Variants in NLGN1 observed in about 807,000 individuals in gnomAD.
The protein encoded by NLGN1 is neuroligin-1.
In NLGN1, 12 loss-of-function variants were observed where a neutral mutation model predicts 65.5. That is an observed-to-expected ratio of 0.18 (90% CI 0.12 to 0.30). The LOEUF is 0.30. Ranked by LOEUF, NLGN1 falls within the 10% of genes least tolerant of loss-of-function variation. The pLI is 1.00. For synonymous variants in NLGN1, 350 were observed against 359.5 expected, an observed-to-expected ratio of 0.97 and a Z score of 0.30; for missense variants, 750 against 1,007.1, an observed-to-expected ratio of 0.74 and a Z score of 3.46.
chr3:173,461,084 A>G (rs1170627359), intron 2 of NLGN1, among the ~76,000 whole-genome samples: 2 of 152,186 alleles, frequency 1.3e-5, no homozygotes, highest in East Asian at 1.9e-4. Flanking sequence ...AGGGCGGTCT[A>G]TTATAAGCAA....
rs147788641 is a variant in NLGN1 at position 173,451,626 on chromosome 3, G to A, written c.-321+16548G>A. 7.1e-4 allele frequency among the ~76,000 whole-genome samples: 108 copies of A among 152,236 alleles called. No individual in the cohort carries two copies. The Middle Eastern group carries it at 0.017, about 24-fold the overall frequency. ...ATTTAAGTCTGCAGAGGTTATTGCC[G>A]TCTTTTGTTTGTCTGTGCCCTGCCC... On this transcript the variant is annotated intron_variant, in intron 2 of 6. Transcript: ENST00000457714.
intron 4 of NLGN1, among the ~76,000 whole-genome samples, chr3:174,235,708 T>C (rs1027565159): frequency 3.9e-5 from 6 of 152,182 alleles, no homozygotes; most frequent in Non-Finnish European, 7.4e-5. Flanking sequence ...AAAATGTGGA[T>C]TTGTTAACAT....
intron 3 of NLGN1, among the ~76,000 whole-genome samples, chr3:173,624,481 C>G (rs1754521537): frequency 6.6e-6 from 1 of 152,078 alleles, no homozygotes; most frequent in Admixed American, 6.6e-5. Context: ...AGAAGCGAAA[C>G]TTTTGCAGAT....
chr3:173,703,090 A>G (rs13078586), intron 3 of NLGN1, among the ~76,000 whole-genome samples: 29,874 of 150,932 alleles, frequency 0.2, 3,152 homozygotes, highest in Admixed American at 0.24. Flanking sequence ...TTTTTTTTTA[A>G]ACTTATACAT....
intron 4 of NLGN1, among the ~76,000 whole-genome samples, chr3:174,063,079 G>A (rs899632213): frequency 4.6e-5 from 7 of 152,032 alleles, no homozygotes; most frequent in Admixed American, 1.3e-4. Context: ...GTAGAAAAAC[G>A]ATTGCAATCT....
intron 2 of NLGN1, among the ~76,000 whole-genome samples, chr3:173,496,493 C>T (rs1425211819): frequency 6.6e-6 from 1 of 151,770 alleles, no homozygotes; most frequent in Admixed American, 6.6e-5. Flanking sequence ...TTATTCAATT[C>T]ATAAATGTTT....
At chr3:173,802,706 TC>T (rs1179910197) in intron 3 of NLGN1, among the ~76,000 whole-genome samples, 3 of 152,148 alleles carry the variant, frequency 2.0e-5, no homozygotes, top group African/African-American at 7.2e-5. Context: ...AGTCAGGTCA[TC>T]AGATCACTTA....
chr3:173,627,789 T>C (rs903893819), intron 3 of NLGN1, among the ~76,000 whole-genome samples: 26 of 152,042 alleles, frequency 1.7e-4, no homozygotes, highest in African/African-American at 4.8e-4. Context: ...AAAGGACTTA[T>C]GCTTTAAGTT....
chr3:173,948,355 G>A (rs901802192), intron 4 of NLGN1, among the ~76,000 whole-genome samples: 1 of 152,082 alleles, frequency 6.6e-6, no homozygotes, highest in South Asian at 2.1e-4. Flanking sequence ...TTATCATTAC[G>A]GCAGAGACAA....
At chr3:173,844,951 T>A (rs1455382952) in intron 4 of NLGN1, among the ~76,000 whole-genome samples, 1 of 152,216 alleles carries the variant, frequency 6.6e-6, no homozygotes, top group African/African-American at 2.4e-5. Context: ...TATGTTATGA[T>A]CTGTGGAAGT....
intron 3 of NLGN1, among the ~76,000 whole-genome samples, chr3:173,639,639 C>G (rs1244985010): frequency 1.3e-5 from 2 of 152,134 alleles, no homozygotes. Flanking sequence ...TTGTTTTGGA[C>G]TAGCAATGAT....
intron 3 of NLGN1, among the ~76,000 whole-genome samples, chr3:173,723,122 G>A (rs774859180): frequency 2.6e-5 from 4 of 152,156 alleles, no homozygotes; most frequent in Admixed American, 2.0e-4. Context: ...TTTTCAAAGC[G>A]ATACTTGAAG....
chr3:173,692,045 A>T (rs771026711), intron 3 of NLGN1, among the ~76,000 whole-genome samples: 18 of 152,236 alleles, frequency 1.2e-4, no homozygotes, highest in Admixed American at 3.9e-4. Flanking sequence ...TAGGTCAGAA[A>T]ATAATAGAAG....
chr3:173,632,111 A>ATG (rs1755780981), intron 3 of NLGN1, among the ~76,000 whole-genome samples: 2 of 152,148 alleles, frequency 1.3e-5, no homozygotes, highest in Non-Finnish European at 2.9e-5. Context: ...TTTCAGATAC[A>ATG]TCTGCAGTGT....
chr3:173,751,282 C>T (rs1334631227), intron 3 of NLGN1, among the ~76,000 whole-genome samples: 3 of 152,062 alleles, frequency 2.0e-5, no homozygotes, highest in Admixed American at 2.0e-4. Flanking sequence ...AAGAATTCTT[C>T]ATTTCCACCT....
intron 2 of NLGN1, among the ~76,000 whole-genome samples, chr3:173,448,320 CAT>C (rs1431131857): frequency 4.6e-5 from 7 of 152,138 alleles, no homozygotes; most frequent in African/African-American, 7.2e-5. Context: ...TTGAGATAAT[CAT>C]GTGATTTTTG....
intron 4 of NLGN1, among the ~76,000 whole-genome samples, chr3:174,044,261 A>C (rs900639022): frequency 6.6e-6 from 1 of 152,156 alleles, no homozygotes; most frequent in African/African-American, 2.4e-5. Flanking sequence ...GAGACATTTT[A>C]ACCATGGTCT....
chr3:174,249,887 A>G (rs1744469936), intron 4 of NLGN1, among the ~76,000 whole-genome samples: 1 of 152,200 alleles, frequency 6.6e-6, no homozygotes, highest in African/African-American at 2.4e-5. Context: ...TGGGTCATGC[A>G]TTTGTTCCAA....
intron 4 of NLGN1, among the ~76,000 whole-genome samples, chr3:174,157,788 T>G (rs1161807177): frequency 6.6e-6 from 1 of 151,764 alleles, no homozygotes; most frequent in East Asian, 1.9e-4. Context: ...TGCAAGGAGA[T>G]TGAAAACAGA....
Sources: allele counts gnomAD v4.1 joint callset (sites outside exome capture counted in the v4.1 genomes callset), GRCh38; gene constraint gnomAD v4.1.1; transcripts MANE v1.5; gene names NCBI Gene and HGNC (gene_info 2026-07-23, HGNC 2026-07-21).